MARK2: variants seen among roughly 807,000 people sequenced by gnomAD.
The protein encoded by MARK2 is microtubule affinity regulating kinase 2, also known as serine/threonine-protein kinase MARK2.
MARK2 carries 16 observed loss-of-function variants against 89.8 expected under a neutral mutation model. That is an observed-to-expected ratio of 0.18 (90% CI 0.12 to 0.27). MARK2 has a LOEUF of 0.27. Among genes scored for constraint, MARK2 ranks in the 10% least tolerant of loss-of-function variants. The pLI is 1.00. For synonymous variants in MARK2, 382 were observed against 399.5 expected (o/e 0.96, Z 0.52); for missense variants, 621 against 1,049.9 (o/e 0.59, Z 5.65).
chr11:63,906,490 C>T (rs1941346775), intron 17 of MARK2, among the ~76,000 whole-genome samples: 3 of 151,312 alleles, frequency 2.0e-5, no homozygotes, highest in Admixed American at 2.0e-4. Context: ...CACCCCACCC[C>T]CACTCCCTCT....
At chr11:63,857,647 A>T (rs1405904048) in intron 1 of MARK2, among the ~76,000 whole-genome samples, 1 of 152,214 alleles carries the variant, frequency 6.6e-6, no homozygotes, top group Admixed American at 6.5e-5. Flanking sequence ...AAATGAATTG[A>T]TACATATTTA....
chr11:63,884,004 G>T (rs1939252802), intron 1 of MARK2, among the ~76,000 whole-genome samples: 1 of 152,328 alleles, frequency 6.6e-6, no homozygotes, highest in Middle Eastern at 3.4e-3. Flanking sequence ...TGTTCAGTCA[G>T]CTGGTAAGCA....
chr11:63,861,920 C>CT lies in MARK2; in HGVS notation c.54+22363dup, dbSNP rs202098201. Reference sequence around the variant, plus strand: ...CCATGCCTGGCTAATTTCTTTCTTTCTTTCTTTTTTTTTTTTTTTTGAGAC... The same window carrying CT: ...CCATGCCTGGCTAATTTCTTTCTTTCTTTTCTTTTTTTTTTTTTTTTGAGAC... On this transcript the variant is annotated intron_variant, in intron 1 of 18. Transcript: ENST00000402010. 5.9e-3 allele frequency among the ~76,000 whole-genome samples: 651 copies of CT among 110,098 alleles called. 28 individuals carry two copies. The highest frequency in any genetic ancestry group is 0.012 in the African/African-American group (350 of 28,754). 72.2% of individuals were successfully genotyped at this position (110,098 alleles called of 152,430 possible).
chr11:63,857,005 G>T (rs1481643439), intron 1 of MARK2, among the ~76,000 whole-genome samples: 4 of 150,336 alleles, frequency 2.7e-5, no homozygotes, highest in African/African-American at 9.8e-5. Context: ...TAGAGATGGG[G>T]TTTCACCGTG....
Position 63,898,459 on chromosome 11 carries a change from T to G in MARK2, c.338-149T>G, listed in dbSNP as rs1940597454. On this transcript the variant is annotated intron_variant, in intron 4 of 18. Transcript: ENST00000402010. ...GGCACACTGGGCTGTCTTTAGCAGT[T>G]TGGCTGGCATGAGAGGAACTTGTTC... 5 of 884,104 alleles carry G rather than the reference T, an allele frequency of 5.7e-6. No homozygotes were observed. The African/African-American group carries it at 8.3e-5, about 15-fold the overall frequency. The allele number at this position is 884,104 out of a possible 1,614,324, so 54.8% of individuals were successfully genotyped here. A position where few individuals can be genotyped will look rare whatever the true frequency, so the allele number is the denominator to read the frequency against.
intron 1 of MARK2, among the ~76,000 whole-genome samples, chr11:63,886,002 G>A (rs903706839): frequency 1.3e-5 from 2 of 149,956 alleles, no homozygotes; most frequent in Non-Finnish European, 3.0e-5. Context: ...GGTGGCGGGC[G>A]CCTGTAATCC....
chr11:63,888,700 C>G (rs1939566736), intron 1 of MARK2: 1 of 1,190,930 alleles, frequency 8.4e-7, no homozygotes, highest in African/African-American at 1.6e-5. Context: ...CCCAGTCTCT[C>G]TGCTAGTGGT....
chr11:63,898,521 C>G (rs1940606541), intron 4 of MARK2, 87 bp from the exon 5 acceptor site: 1 of 1,098,354 alleles, frequency 9.1e-7, no homozygotes. Context: ...GGGAGACTTT[C>G]GTTCCTAGGA....
chr11:63,903,547 G>A lies in MARK2; in HGVS notation c.1514+389G>A. The A allele has an allele frequency of 3.5e-6, 1 of 285,068 alleles. No individual in the cohort carries two copies. Among genetic ancestry groups the A allele is most frequent in the Non-Finnish European group, 6.7e-6 (1 of 150,352 alleles). The allele number at this position is 285,068 out of a possible 1,614,324, so 17.7% of individuals were successfully genotyped here. ...GGTGTACACATAGAGGGCGACTCCA[G>A]CCATCCCCATGAGACCAGAGCTCCC... On this transcript the variant is annotated intron_variant, in intron 14 of 18. Transcript: ENST00000402010. This position sits in a 1 kb window ranked among gnomAD's most constrained non-coding sequence, Gnocchi z 5.1.
intron 1 of MARK2, among the ~76,000 whole-genome samples, chr11:63,855,373 A>C (rs2016787371): frequency 6.6e-6 from 1 of 152,146 alleles, no homozygotes; most frequent in East Asian, 1.9e-4. Context: ...ATGTTTAAAA[A>C]ATTAGCTAAG....
chr11:63,862,529 T>C (rs1937863539), intron 1 of MARK2, among the ~76,000 whole-genome samples: 3 of 152,304 alleles, frequency 2.0e-5, no homozygotes, highest in African/African-American at 7.2e-5. Flanking sequence ...TGGTGGCCAT[T>C]GGTAAATGTG....
Position 63,903,001 on chromosome 11 carries a change from G to A in MARK2, c.1417-60G>A. On this transcript the variant is annotated intron_variant, in intron 13 of 18. Transcript: ENST00000402010. The surrounding 1 kb of genome is among the most constrained non-coding windows in gnomAD (Gnocchi z 5.1). ...AGCCTGTTCCATGAACCTGGGGGGAGAACCTGGCTGTAGACCACTTTGGCT... is the reference window on the plus strand; with the variant it reads ...AGCCTGTTCCATGAACCTGGGGGGAAAACCTGGCTGTAGACCACTTTGGCT... 2 of 1,436,152 alleles carry A rather than the reference G, an allele frequency of 1.4e-6. No homozygotes were observed. The highest frequency in any genetic ancestry group is 2.3e-5 in the East Asian group (1 of 44,030). 89.0% of individuals were successfully genotyped at this position (1,436,152 alleles called of 1,614,324 possible).
intron 1 of MARK2, among the ~76,000 whole-genome samples, chr11:63,850,607 C>T (rs900241458): frequency 6.6e-6 from 1 of 151,758 alleles, no homozygotes; most frequent in Non-Finnish European, 1.5e-5. Context: ...GAAAAAAAAA[C>T]ACCACCCACT....
At chr11:63,899,747 T>C (rs1376482434) in intron 7 of MARK2, 127 bp from the exon 8 acceptor site, 1 of 716,790 alleles carries the variant, frequency 1.4e-6, no homozygotes, top group Non-Finnish European at 2.5e-6. Context: ...TGCCCTGAAA[T>C]TGGTGGAGAA....
At chr11:63,865,047 G>A (rs1690953518) in intron 1 of MARK2, among the ~76,000 whole-genome samples, 1 of 146,938 alleles carries the variant, frequency 6.8e-6, no homozygotes, top group African/African-American at 2.5e-5. Context: ...GTGCCACTAT[G>A]CCTGGCTAAT....
chr11:63,871,613 T>G (rs529026739), intron 1 of MARK2, among the ~76,000 whole-genome samples: 3 of 145,618 alleles, frequency 2.1e-5, no homozygotes, highest in Admixed American at 2.0e-4. Context: ...CTGAAGAGTA[T>G]TCACTGTGTG....
chr11:63,848,651 C>A (rs371153357), intron 1 of MARK2, among the ~76,000 whole-genome samples: 1 of 151,508 alleles, frequency 6.6e-6, no homozygotes, highest in Non-Finnish European at 1.5e-5. Flanking sequence ...CCCGGGTTCA[C>A]ACCATTCTCC....
chr11:63,907,689 G>T (rs1438352625), intron 17 of MARK2, among the ~76,000 whole-genome samples: 1 of 152,146 alleles, frequency 6.6e-6, no homozygotes, highest in Non-Finnish European at 1.5e-5. Flanking sequence ...CCACTCAGCA[G>T]CAGGAAGCCA....
At chr11:63,898,708 C>G (rs1436933580) in intron 5 of MARK2, 35 bp downstream of exon 5, 1 of 1,611,064 alleles carries the variant, frequency 6.2e-7, no homozygotes, top group Non-Finnish European at 8.5e-7. Context: ...GTTGTGCCCC[C>G]ACTTCTTCCA....
Sources: allele counts gnomAD v4.1 joint callset (sites outside exome capture counted in the v4.1 genomes callset), GRCh38; gene constraint gnomAD v4.1.1; non-coding constraint Gnocchi (gnomAD v3.1); transcripts MANE v1.5; gene names NCBI Gene and HGNC (gene_info 2026-07-23, HGNC 2026-07-21).